Variants in ITPR3 observed in about 807,000 individuals in gnomAD.
ITPR3 encodes the protein inositol 1,4,5-trisphosphate-gated calcium channel ITPR3.
In ITPR3, 173 loss-of-function variants were observed where a neutral mutation model predicts 293.2. That is an observed-to-expected ratio of 0.59 (90% CI 0.52 to 0.67). The LOEUF (loss-of-function observed/expected upper bound fraction) is 0.67, where lower values mean the gene tolerates loss of function less well. ITPR3 is among the 30% of genes least tolerant of loss of function. The pLI, the probability that ITPR3 is intolerant of heterozygous loss-of-function variation, is 0.00. For missense variants in ITPR3, 2,796 were observed against 3,592.1 expected, an observed-to-expected ratio of 0.78 and a Z score of 5.66; for synonymous variants, 1,295 against 1,444.4, an observed-to-expected ratio of 0.90 and a Z score of 2.35.
rs1432808594 is a variant in ITPR3 at position 33,666,021 on chromosome 6, G to A, written c.1551+45G>A. The A allele has an allele frequency of 1.3e-6, 2 of 1,545,468 alleles. No individual in the cohort carries two copies. Among genetic ancestry groups the A allele is most frequent in the Non-Finnish European group, 1.8e-6 (2 of 1,141,026 alleles). Reference sequence around the variant, plus strand: ...GGGACGCAGAGGGGCCGGGTGCCCGGGAGAGGGATGCCTTCAACTGCAGGC... The same window carrying A: ...GGGACGCAGAGGGGCCGGGTGCCCGAGAGAGGGATGCCTTCAACTGCAGGC... On this transcript the variant is annotated intron_variant, in intron 14 of 57. Coordinates refer to ENST00000605930, the MANE Select transcript of ITPR3 (RefSeq NM_002224.4). This position sits in a 1 kb window ranked among gnomAD's most constrained non-coding sequence, Gnocchi z 5.1.
At position 33,678,479 on chromosome 6, in the gene ITPR3, G is replaced by T. The variant is rs1256681238; in HGVS notation, c.3707G>T (p.Cys1236Phe). Residue 1236 changes from cysteine to phenylalanine, a missense_variant, in exon 29 of 58, where the codon TGT becomes TTT. Transcript: ENST00000605930. ...ACGCACCAGTTCCTGCAGAAGTTCTGTGCAGGGAACCCCGGCAACCAGGCC... is the reference window on the plus strand; with the variant it reads ...ACGCACCAGTTCCTGCAGAAGTTCTTTGCAGGGAACCCCGGCAACCAGGCC... ...RYTHQFLQKFCAGNPGNQALL... is the reference protein window; with the variant it reads ...RYTHQFLQKFFAGNPGNQALL... 6.2e-7 allele frequency: 1 copy of T among 1,613,608 alleles called. No homozygotes were observed. Among genetic ancestry groups the T allele is most frequent in the Non-Finnish European group, 8.5e-7 (1 of 1,180,036 alleles).
At chr6:33,673,186 A>G (rs1166651424) in intron 22 of ITPR3, among the ~76,000 whole-genome samples, 1 of 152,082 alleles carries the variant, frequency 6.6e-6, no homozygotes, top group East Asian at 1.9e-4. Context: ...TTCCCCTCCC[A>G]TGAGTATCCA....
chr6:33,681,882 T>C (rs1417069884), intron 33 of ITPR3, among the ~76,000 whole-genome samples: 1 of 151,814 alleles, frequency 6.6e-6, no homozygotes, highest in Admixed American at 6.6e-5. Context: ...TCTCAAAGTG[T>C]TATGTTTTTT....
Position 33,693,526 on chromosome 6 carries a change from C to G in ITPR3, c.7625-19C>G, listed in dbSNP as rs372219028. 326 of 1,612,462 alleles carry G rather than the reference C, an allele frequency of 2.0e-4. No individual in the cohort carries two copies. Among genetic ancestry groups the G allele is most frequent in the Non-Finnish European group, 2.7e-4 (321 of 1,178,940 alleles). On this transcript the variant is annotated intron_variant, in intron 55 of 57. Transcript: ENST00000605930. ...CTCTTGAAGGCTGATGGTTTCATTC[C>G]CGCCCTCTGCACCCTCAGGTCTGGA...
intron 7 of ITPR3, among the ~76,000 whole-genome samples, chr6:33,660,135 G>T (rs576625831): frequency 6.6e-5 from 10 of 152,208 alleles, no homozygotes; most frequent in Admixed American, 2.0e-4. Context: ...CTGAACAGCA[G>T]ATGTGGGCGA....
intron 1 of ITPR3, among the ~76,000 whole-genome samples, chr6:33,630,047 T>G (rs1369040731): frequency 6.6e-6 from 1 of 152,014 alleles, no homozygotes; most frequent in Non-Finnish European, 1.5e-5. Context: ...GCTGAGATCG[T>G]GCCACTGCAC....
In ITPR3 at chr6:33,669,153, A is replaced by G. The variant is rs1561868282; in HGVS notation, c.2186A>G (p.Tyr729Cys). 6.2e-7 allele frequency: 1 copy of G among 1,613,016 alleles called. No individual in the cohort carries two copies. The highest frequency in any genetic ancestry group is 8.5e-7 in the Non-Finnish European group (1 of 1,179,538). The change falls in exon 18 of 58, where the codon TAC becomes TGC. Residue 729 changes from tyrosine to cysteine, a missense_variant. By Grantham distance (194) the Tyr-to-Cys change is radical. This residue lies in a region of ITPR3 where 955 missense variants were observed against 1,180.8 expected (regional missense o/e 0.81). Coordinates refer to ENST00000605930, the MANE Select transcript of ITPR3 (RefSeq NM_002224.4). ...CACGACGAGAATGTGCTCAGCTACT[A>G]CAGGTGCCCCGCCCCAGCTCCTCCC... ...NAHDENVLSY[Y>C]RYQLKLFARM...
chr6:33,647,776 G>C (rs1764101425), intron 2 of ITPR3, among the ~76,000 whole-genome samples: 1 of 152,054 alleles, frequency 6.6e-6, no homozygotes, highest in Non-Finnish European at 1.5e-5. Context: ...ATGGACTCTT[G>C]GGCTGTTTCA....
At chr6:33,693,953 G>A (rs997972717) in intron 56 of ITPR3, among the ~76,000 whole-genome samples, 1 of 152,252 alleles carries the variant, frequency 6.6e-6, no homozygotes, top group African/African-American at 2.4e-5. Flanking sequence ...AGCCGCTGCT[G>A]CAGAGGGGCC....
rs892370080 is a variant in ITPR3 at position 33,692,270 on chromosome 6, C to T, written c.7458+342C>T. ...AGGCCTCATGATTTGGCTTGGGCAG[C>T]CACATTCCCGAATGTCAGGCCTTCC... On this transcript the variant is annotated intron_variant, in intron 54 of 57. Transcript: ENST00000605930. The surrounding 1 kb of genome is among the most constrained non-coding windows in gnomAD (Gnocchi z 4.2). Among the ~76,000 whole-genome samples the T allele has an allele frequency of 2.0e-5, 3 of 152,248 alleles. No homozygotes were observed. The highest frequency in any genetic ancestry group is 4.8e-5 in the African/African-American group (2 of 41,468).
At chr6:33,677,763 C>A in intron 28 of ITPR3, 134 bp downstream of exon 28, 2 of 1,040,530 alleles carry the variant, frequency 1.9e-6, no homozygotes, top group African/African-American at 1.6e-5. Flanking sequence ...TGTTTGTTTG[C>A]AGGCACACCT....
rs117122032 is a variant in ITPR3 at position 33,675,861 on chromosome 6, C to T, written c.3282+5C>T. The T allele has an allele frequency of 2.0e-4, 304 of 1,555,098 alleles. 2 individuals carry two copies. The East Asian group carries it at 6.9e-3, about 35-fold the overall frequency. ...GCCATGCACACCTTCAAGCAGGTGA[C>T]GGGACTACCTGGCCCTGGCCCTGAG... On this transcript the variant is annotated splice_donor_5th_base_variant and intron_variant, in intron 25 of 57. Transcript: ENST00000605930. The surrounding 1 kb of genome is among the most constrained non-coding windows in gnomAD (Gnocchi z 5.0).
At chr6:33,690,287 C>G in intron 51 of ITPR3, 89 bp downstream of exon 51, 1 of 1,268,844 alleles carries the variant, frequency 7.9e-7, no homozygotes, top group Non-Finnish European at 1.1e-6. Flanking sequence ...CGGCACCAGT[C>G]TGTCTGTCCA....
At chr6:33,630,836 T>C (rs7750812) in intron 1 of ITPR3, among the ~76,000 whole-genome samples, 141,805 of 152,316 alleles carry the variant, frequency 0.93, 66,188 homozygotes, top group East Asian at 0.98. Context: ...TTTAAAATTC[T>C]ATATATTCCA....
At position 33,667,111 on chromosome 6, in the gene ITPR3, C is replaced by T. The variant is rs545242213; in HGVS notation, c.1552-18C>T. On this transcript the variant is annotated intron_variant, in intron 14 of 57. Coordinates refer to ENST00000605930, the MANE Select transcript of ITPR3 (RefSeq NM_002224.4). This position sits in a 1 kb window ranked among gnomAD's most constrained non-coding sequence, Gnocchi z 4.4. ...ACAGGTGTTGGGGAATCAGTCCTCACCCTCTGTATTCCCCCAGGTCTTTGG... is the reference window on the plus strand; with the variant it reads ...ACAGGTGTTGGGGAATCAGTCCTCATCCTCTGTATTCCCCCAGGTCTTTGG... 9.3e-6 allele frequency: 15 copies of T among 1,612,090 alleles called. No individual in the cohort carries two copies. Among genetic ancestry groups the T allele is most frequent in the Middle Eastern group, 3.3e-4 (2 of 6,048 alleles).
At chr6:33,647,000 A>AT (rs1764085332) in intron 2 of ITPR3, among the ~76,000 whole-genome samples, 1 of 152,200 alleles carries the variant, frequency 6.6e-6, no homozygotes, top group Admixed American at 6.6e-5. Flanking sequence ...CAAATTACAT[A>AT]GTAATTTGTC....
intron 28 of ITPR3, 63 bp from the exon 29 acceptor site, chr6:33,678,358 C>G (rs1427494709): frequency 4.4e-6 from 7 of 1,592,460 alleles, no homozygotes; most frequent in Non-Finnish European, 6.0e-6. Flanking sequence ...TGTCAGAGCT[C>G]AGCCAGGGCC....
Position 33,678,694 on chromosome 6 carries a change from C to T in ITPR3, c.3827C>T (p.Ser1276Phe), listed in dbSNP as rs2127296557. The T allele has an allele frequency of 6.2e-7, 1 of 1,613,168 alleles. No individual in the cohort carries two copies. The highest frequency in any genetic ancestry group is 1.1e-5 in the South Asian group (1 of 90,880). ...TTCCTGAACAACTATCAGCTCTGCT[C>T]CGAGATCAGCGAGCCTGTGTTGCAG... is the stretch of plus-strand genomic sequence containing the variant. ...HIFLNNYQLC[S>F]EISEPVLQHF... The change falls in exon 30 of 58, where the codon TCC (serine) becomes TTC (phenylalanine). Residue 1276 changes from serine to phenylalanine, a missense_variant. By Grantham distance (155) the Ser-to-Phe change is radical. Coordinates refer to ENST00000605930, the MANE Select transcript of ITPR3 (RefSeq NM_002224.4).
chr6:33,685,909 A>C (rs763472548), intron 41 of ITPR3, 82 bp downstream of exon 41: 2 of 1,525,482 alleles, frequency 1.3e-6, no homozygotes, highest in East Asian at 2.3e-5. Context: ...GTGTCCCTCT[A>C]TGGCAGGTGT....
Sources: allele counts gnomAD v4.1 joint callset (sites outside exome capture counted in the v4.1 genomes callset), GRCh38; gene constraint gnomAD v4.1.1; regional missense constraint gnomAD v4.1.1; non-coding constraint Gnocchi (gnomAD v3.1); transcripts MANE v1.5; gene names NCBI Gene and HGNC (gene_info 2026-07-23, HGNC 2026-07-21).